The following PRRC2B variants were observed in gnomAD, a reference collection of about 807,000 sequenced individuals.
PRRC2B encodes protein PRRC2B.
Under a neutral mutation model 242.3 loss-of-function variants are expected in PRRC2B, and 68 were observed. The observed-to-expected ratio is 0.28, with a 90% CI of 0.23 to 0.34. The LOEUF (loss-of-function observed/expected upper bound fraction) is 0.34, where lower values mean the gene tolerates loss of function less well. Ranked by LOEUF, PRRC2B falls within the 10% of genes least tolerant of loss-of-function variation. PRRC2B has a pLI of 1.00. For missense variants in PRRC2B, 2,835 were observed against 2,954.8 expected, an observed-to-expected ratio of 0.96 and a Z score of 0.94; for synonymous variants, 1,228 against 1,173.6, an observed-to-expected ratio of 1.05 and a Z score of -0.95.
At chr9:131,397,585 G>C (rs1411575966) in intron 1 of PRRC2B, among the ~76,000 whole-genome samples, 1 of 44,606 alleles carries the variant, frequency 2.2e-5, no homozygotes, top group Non-Finnish European at 4.8e-5. Flanking sequence ...TTTTTTTTTT[G>C]CCTTGCACAA....
Position 131,475,412 on chromosome 9 carries a change from G to A in PRRC2B, c.3283G>A (p.Gly1095Arg). The A allele has an allele frequency of 1.1e-5, 17 of 1,577,966 alleles. No homozygotes were observed. Among genetic ancestry groups the A allele is most frequent in the Non-Finnish European group, 1.4e-5 (16 of 1,163,330 alleles). Reference protein sequence around the residue: ...GSGLCGGGVLGARSIYCSSQR... With the variant: ...GSGLCGGGVLRARSIYCSSQR... ...CGGCCTCTGTGGTGGGGGGGTCCTG[G>A]GGGCCCGCAGCATCTACTGCAGCAG... Residue 1095 changes from glycine (G) to arginine (R), a missense_variant, in exon 16 of 32, where the codon GGG becomes AGG. By Grantham distance (125) the Gly-to-Arg change is moderately radical. This residue lies in a region of PRRC2B where 1,536 missense variants were observed against 1,483.1 expected (regional missense o/e 1.04). Transcript: ENST00000683519.
intron 1 of PRRC2B, among the ~76,000 whole-genome samples, chr9:131,411,125 C>T (rs1384660318): frequency 2.0e-5 from 3 of 150,972 alleles, no homozygotes; most frequent in African/African-American, 7.3e-5. Context: ...GGGGTGGTGG[C>T]AGGCACCTGT....
At chr9:131,401,388 T>A (rs1344747226) in intron 1 of PRRC2B, among the ~76,000 whole-genome samples, 1 of 149,260 alleles carries the variant, frequency 6.7e-6, no homozygotes, top group Non-Finnish European at 1.5e-5. Context: ...CTTTCTCCTT[T>A]TTTTTTTTTT....
rs571706111 is a variant in PRRC2B at position 131,485,433 on chromosome 9, C to T, written c.5758+293C>T. Among the ~76,000 whole-genome samples, 24 of 152,290 alleles carry T rather than the reference C, an allele frequency of 1.6e-4. No homozygotes were observed. In the East Asian group the frequency reaches 3.7e-3, roughly 23 times the overall value. ...TCAGACCTGGGTCATGTGCTGGAGC[C>T]GTGTCGCCTCGGCTGGTGAGCAGCT... On this transcript the variant is annotated intron_variant, in intron 25 of 31. Coordinates refer to ENST00000683519, the MANE Select transcript of PRRC2B (RefSeq NM_013318.4).
At chr9:131,374,040 C>A (rs1170122225) in intron 1 of PRRC2B, among the ~76,000 whole-genome samples, 1 of 131,784 alleles carries the variant, frequency 7.6e-6, no homozygotes, top group South Asian at 2.4e-4. Flanking sequence ...GCCTGGGCGA[C>A]AGAGCGAGAC....
At chr9:131,463,775 TC>T (rs1179554142) in intron 11 of PRRC2B, among the ~76,000 whole-genome samples, 1 of 151,224 alleles carries the variant, frequency 6.6e-6, no homozygotes, top group Admixed American at 6.6e-5. Flanking sequence ...CATGTGCCCA[TC>T]CCCAACTAAT....
intron 7 of PRRC2B, 71 bp from the exon 8 acceptor site, chr9:131,447,014 A>AT: frequency 6.3e-7 from 1 of 1,594,396 alleles, no homozygotes; most frequent in South Asian, 1.1e-5. Context: ...TATAAAACAC[A>AT]TTCTGATTTA....
At chr9:131,383,856 C>T (rs1300902979) in intron 1 of PRRC2B, among the ~76,000 whole-genome samples, 6 of 151,696 alleles carry the variant, frequency 4.0e-5, no homozygotes, top group Non-Finnish European at 7.4e-5. Context: ...CTCTTGACCT[C>T]GTAATCCACC....
intron 1 of PRRC2B, among the ~76,000 whole-genome samples, chr9:131,403,328 A>G (rs914596917): frequency 1.3e-5 from 2 of 152,106 alleles, no homozygotes; most frequent in African/African-American, 2.4e-5. Context: ...TGTTAATTGC[A>G]GAAGTATACA....
intron 31 of PRRC2B, 96 bp from the exon 32 acceptor site, chr9:131,495,644 T>C (rs1944313634): frequency 5.0e-6 from 7 of 1,412,434 alleles, no homozygotes; most frequent in Middle Eastern, 1.8e-4. Context: ...GAGCTTTCCC[T>C]GCAACTCAGG....
At chr9:131,492,368 G>A (rs575362091) in intron 30 of PRRC2B, 108 bp downstream of exon 30, 76 of 798,552 alleles carry the variant, frequency 9.5e-5, no homozygotes, top group Middle Eastern at 4.9e-4. Context: ...CAGAGACCTG[G>A]TCCCTCTATG....
intron 9 of PRRC2B, among the ~76,000 whole-genome samples, chr9:131,449,795 TA>T (rs1343653261): frequency 1.4e-4 from 21 of 152,336 alleles, no homozygotes; most frequent in Admixed American, 1.2e-3. Context: ...GTGTCCTGTT[TA>T]AAAAAATGTT....
intron 9 of PRRC2B, among the ~76,000 whole-genome samples, chr9:131,450,904 T>C (rs777391768): frequency 6.6e-6 from 1 of 152,172 alleles, no homozygotes; most frequent in Non-Finnish European, 1.5e-5. Flanking sequence ...TTTGAATCTT[T>C]AGGTCCAGGA....
chr9:131,404,706 T>C (rs1837320353), intron 1 of PRRC2B, among the ~76,000 whole-genome samples: 1 of 152,220 alleles, frequency 6.6e-6, no homozygotes, highest in African/African-American at 2.4e-5. Context: ...CGTGATAAAA[T>C]GTCTCAGCGT....
chr9:131,418,615 ACAT>A (rs1401948652), intron 1 of PRRC2B, among the ~76,000 whole-genome samples: 1 of 152,178 alleles, frequency 6.6e-6, no homozygotes, highest in East Asian at 1.9e-4. Context: ...GCTCCAGGTG[ACAT>A]CATTCCTACA....
chr9:131,490,166 C>T (rs547903576), intron 28 of PRRC2B, among the ~76,000 whole-genome samples: 6 of 152,018 alleles, frequency 3.9e-5, no homozygotes, highest in Admixed American at 6.6e-5. Flanking sequence ...ATTCAAAACT[C>T]GATTTTCCTC....
Position 131,386,465 on chromosome 9 carries a change from C to T in PRRC2B, c.-56+12734C>T, listed in dbSNP as rs549345001. On this transcript the variant is annotated intron_variant, in intron 1 of 1. Coordinates refer to the PRRC2B transcript ENST00000682525. ...CAGGGATGCAGCAGCTCCCACTGTCCCCAGAGGGTGTCACCCCACTTCCAG... is the reference window on the plus strand; with the variant it reads ...CAGGGATGCAGCAGCTCCCACTGTCTCCAGAGGGTGTCACCCCACTTCCAG... Among the ~76,000 whole-genome samples, 3 of 150,252 alleles carry T rather than the reference C, an allele frequency of 2.0e-5. No homozygotes were observed. In the South Asian group the frequency reaches 6.3e-4, roughly 32 times the overall value.
Position 131,486,135 on chromosome 9 carries a change from C to T in PRRC2B, c.5809C>T (p.Pro1937Ser), listed in dbSNP as rs1256627250. 9 of 1,612,992 alleles carry T rather than the reference C, an allele frequency of 5.6e-6. No individual in the cohort carries two copies. The highest frequency in any genetic ancestry group is 1.1e-5 in the South Asian group (1 of 90,840). ...YLDGHVFASQPRLVPQTIPQQ... is the reference protein window; with the variant it reads ...YLDGHVFASQSRLVPQTIPQQ... ...GGATGGCCATGTGTTTGCAAGTCAGCCCCGGCTGGTTCCTCAAACGATACC... is the reference window on the plus strand; with the variant it reads ...GGATGGCCATGTGTTTGCAAGTCAGTCCCGGCTGGTTCCTCAAACGATACC... Residue 1937 changes from proline (P) to serine (S), a missense_variant, in exon 26 of 32, where the codon CCC (proline) becomes TCC (serine). By Grantham distance (74) the Pro-to-Ser change is moderately conservative (BLOSUM62 -1). This residue lies in a region of PRRC2B where 574 missense variants were observed against 626.0 expected (regional missense o/e 0.92). Coordinates refer to ENST00000683519, the MANE Select transcript of PRRC2B (RefSeq NM_013318.4).
intron 3 of PRRC2B, among the ~76,000 whole-genome samples, chr9:131,434,994 A>G (rs1219616928): frequency 6.6e-6 from 1 of 152,082 alleles, no homozygotes; most frequent in Admixed American, 6.6e-5. Flanking sequence ...TGGTGCAAAG[A>G]TATGTATTAA....
Sources: allele counts gnomAD v4.1 joint callset (sites outside exome capture counted in the v4.1 genomes callset), GRCh38; gene constraint gnomAD v4.1.1; regional missense constraint gnomAD v4.1.1; transcripts MANE v1.5; gene names NCBI Gene and HGNC (gene_info 2026-07-23, HGNC 2026-07-21).